The following DAB2IP variants were observed in gnomAD, a reference collection of about 807,000 sequenced individuals.
DAB2IP encodes the protein DAB2 interacting protein, also known as disabled homolog 2-interacting protein.
DAB2IP carries 28 observed loss-of-function variants against 107.2 expected under a neutral mutation model. The observed-to-expected ratio is 0.26, with a 90% confidence interval of 0.19 to 0.36. The LOEUF is 0.36. Ranked by LOEUF, DAB2IP falls within the 10% of genes least tolerant of loss-of-function variation. DAB2IP has a pLI of 1.00. For synonymous variants in DAB2IP, 755 were observed against 706.4 expected, an observed-to-expected ratio of 1.07 and a Z score of -1.09; for missense variants, 1,400 against 1,644.7, an observed-to-expected ratio of 0.85 and a Z score of 2.57.
intron 1 of DAB2IP, among the ~76,000 whole-genome samples, chr9:121,617,476 C>T (rs1831318755): frequency 6.6e-6 from 1 of 152,240 alleles, no homozygotes. Context: ...TCTCTCATCT[C>T]AAGCGTTCTG....
At chr9:121,712,765 T>C (rs1049679931) in intron 3 of DAB2IP, among the ~76,000 whole-genome samples, 1 of 152,252 alleles carries the variant, frequency 6.6e-6, no homozygotes, top group Non-Finnish European at 1.5e-5. Context: ...ACTGAACATA[T>C]TCTTACAGAT....
intron 3 of DAB2IP, chr9:121,737,838 G>C (rs1832039341): frequency 1.0e-6 from 1 of 959,082 alleles, no homozygotes; most frequent in Admixed American, 6.2e-5. Context: ...GTGAGGAGCT[G>C]TTTCTCCAAT....
chr9:121,603,554 C>G (rs1830763138), intron 1 of DAB2IP, among the ~76,000 whole-genome samples: 1 of 152,176 alleles, frequency 6.6e-6, no homozygotes, highest in Admixed American at 6.5e-5. Flanking sequence ...ATCCAGGTGC[C>G]TTGACAATAA....
intron 2 of DAB2IP, among the ~76,000 whole-genome samples, chr9:121,687,343 G>A (rs1828933909): frequency 6.6e-6 from 1 of 152,210 alleles, no homozygotes; most frequent in Admixed American, 6.5e-5. Flanking sequence ...GTCTGGGGCT[G>A]GGACAGCTGT....
chr9:121,582,258 C>T (rs922742196), intron 1 of DAB2IP, among the ~76,000 whole-genome samples: 10 of 152,118 alleles, frequency 6.6e-5, no homozygotes, highest in Non-Finnish European at 1.2e-4. Flanking sequence ...TTTCCTGACT[C>T]GTGGTCCTGG....
At chr9:121,748,935 T>A (rs1327734666) in intron 3 of DAB2IP, among the ~76,000 whole-genome samples, 1 of 152,084 alleles carries the variant, frequency 6.6e-6, no homozygotes, top group Non-Finnish European at 1.5e-5. Context: ...TATGGGGGCG[T>A]CACAACTGGG....
At chr9:121,693,395 T>C (rs1829258874) in intron 2 of DAB2IP, among the ~76,000 whole-genome samples, 1 of 152,068 alleles carries the variant, frequency 6.6e-6, no homozygotes, top group Non-Finnish European at 1.5e-5. Context: ...CCAGCATCTC[T>C]CCCCTCCTGG....
chr9:121,597,056 C>T (rs756863997), intron 1 of DAB2IP, among the ~76,000 whole-genome samples: 4 of 152,150 alleles, frequency 2.6e-5, no homozygotes, highest in African/African-American at 4.8e-5. Context: ...TATATTTTGC[C>T]CAATCTCCTA....
chr9:121,691,633 G>A (rs1829168011), intron 2 of DAB2IP, among the ~76,000 whole-genome samples: 1 of 151,940 alleles, frequency 6.6e-6, no homozygotes, highest in Admixed American at 6.5e-5. Context: ...TGATCTCATT[G>A]AATCTTCACA....
At chr9:121,780,468 T>C (rs1835532376) in intron 14 of DAB2IP, among the ~76,000 whole-genome samples, 1 of 152,172 alleles carries the variant, frequency 6.6e-6, no homozygotes, top group South Asian at 2.1e-4. Flanking sequence ...GCTAAGTGCT[T>C]GCCCAGTGTG....
chr9:121,653,727 C>T (rs571137832), intron 1 of DAB2IP, among the ~76,000 whole-genome samples: 120 of 152,146 alleles, frequency 7.9e-4, no homozygotes, highest in Admixed American at 4.4e-3. Flanking sequence ...ATGGGAGTCT[C>T]GCTCCTGTTC....
At chr9:121,767,946 A>G (rs1044473392) in intron 9 of DAB2IP, among the ~76,000 whole-genome samples, 1 of 152,120 alleles carries the variant, frequency 6.6e-6, no homozygotes, top group African/African-American at 2.4e-5. Flanking sequence ...GTGTATCTGT[A>G]TGGGTAGTGG....
chr9:121,725,453 A>G (rs996033171), intron 3 of DAB2IP, among the ~76,000 whole-genome samples: 1 of 151,972 alleles, frequency 6.6e-6, no homozygotes, highest in Non-Finnish European at 1.5e-5. Context: ...GGCCTCTTTG[A>G]CCCTGGGGTA....
rs568075642 is a variant in DAB2IP, at chr9:121,718,153, C to T, written c.362+18695C>T. ...CTGTGAAGGCAGACTCTCCTGCCTG[C>T]CCTGGCAACAGCTCTGCGCCAGCCT... On this transcript the variant is annotated intron_variant, in intron 3 of 15. Transcript: ENST00000408936. Among the ~76,000 whole-genome samples, 10 of 152,274 alleles carry T rather than the reference C, an allele frequency of 6.6e-5. 1 individual carries two copies. The South Asian group carries it at 1.9e-3, about 28-fold the overall frequency.
chr9:121,638,438 A>C (rs1343894553), intron 1 of DAB2IP, among the ~76,000 whole-genome samples: 1 of 152,118 alleles, frequency 6.6e-6, no homozygotes, highest in South Asian at 2.1e-4. Context: ...CCTGTATGGC[A>C]CTGCACAAAG....
At chr9:121,737,090 T>G (rs887081368) in intron 3 of DAB2IP, 1 of 742,604 alleles carries the variant, frequency 1.3e-6, no homozygotes, top group Non-Finnish European at 1.6e-6. Flanking sequence ...AGGCGGGGCT[T>G]GGGGCAGGAT....
At chr9:121,589,349 C>T (rs991616324) in intron 1 of DAB2IP, among the ~76,000 whole-genome samples, 8 of 152,190 alleles carry the variant, frequency 5.3e-5, no homozygotes, top group African/African-American at 9.7e-5. Flanking sequence ...TCCAATAATA[C>T]TTGACTGTAA....
intron 3 of DAB2IP, among the ~76,000 whole-genome samples, chr9:121,705,394 G>A (rs1830008925): frequency 6.6e-6 from 1 of 152,350 alleles, no homozygotes; most frequent in Non-Finnish European, 1.5e-5. Flanking sequence ...ACATCATATG[G>A]GGTGAGACTG....
chr9:121,757,069 C>G (rs1230007031), exon 4 of DAB2IP: 1 of 1,614,052 alleles, frequency 6.2e-7, no homozygotes, highest in African/African-American at 1.3e-5. Flanking sequence ...CTGCTCAGCC[C>G]CAGCAGTGCG....
Sources: allele counts gnomAD v4.1 joint callset (sites outside exome capture counted in the v4.1 genomes callset), GRCh38; gene constraint gnomAD v4.1.1; transcripts MANE v1.5; gene names NCBI Gene and HGNC (gene_info 2026-07-23, HGNC 2026-07-21).